The following MUSK variants were observed in gnomAD, a reference collection of about 807,000 sequenced individuals.
MUSK encodes the protein muscle, skeletal receptor tyrosine-protein kinase.
In MUSK, 55 loss-of-function variants were observed where a neutral mutation model predicts 88.7. The observed-to-expected ratio is 0.62, with a 90% CI of 0.50 to 0.78. The LOEUF is 0.78. MUSK is among the 30% of genes least tolerant of loss of function. MUSK has a pLI of 0.00. For synonymous variants in MUSK, 387 were observed against 391.9 expected (o/e 0.99, Z 0.15); for missense variants, 1,015 against 1,074.3 (o/e 0.94, Z 0.77).
At chr9:110,781,772 G>A (rs146331973) in intron 11 of MUSK, among the ~76,000 whole-genome samples, 518 of 152,242 alleles carry the variant, frequency 3.4e-3, no homozygotes, top group Non-Finnish European at 5.5e-3. Flanking sequence ...ATGGCAGAAC[G>A]GGCGAGGGAG....
intron 5 of MUSK, among the ~76,000 whole-genome samples, chr9:110,713,391 C>T (rs149698166): frequency 1.3e-5 from 2 of 151,944 alleles, no homozygotes; most frequent in East Asian, 2.0e-4. Flanking sequence ...TCCTGAGTAG[C>T]TAGGATTACA....
chr9:110,772,098 A>G (rs1344227112), intron 9 of MUSK, among the ~76,000 whole-genome samples: 1 of 149,924 alleles, frequency 6.7e-6, no homozygotes, highest in Non-Finnish European at 1.5e-5. Flanking sequence ...ATTATTATAT[A>G]TAGTTTATAT....
chr9:110,689,075 T>A (rs1477300442), intron 3 of MUSK, among the ~76,000 whole-genome samples: 3 of 139,068 alleles, frequency 2.2e-5, no homozygotes, highest in Non-Finnish European at 3.0e-5. Context: ...TATAGTTATA[T>A]ATAGTTATAT....
At chr9:110,750,217 C>A (rs745458017) in intron 7 of MUSK, among the ~76,000 whole-genome samples, 23 of 152,080 alleles carry the variant, frequency 1.5e-4, no homozygotes, top group Non-Finnish European at 1.3e-4. Flanking sequence ...AGTCTCATTT[C>A]AGGTCATTAT....
intron 7 of MUSK, among the ~76,000 whole-genome samples, chr9:110,749,746 C>T (rs2077224593): frequency 6.6e-6 from 1 of 152,060 alleles, no homozygotes; most frequent in Non-Finnish European, 1.5e-5. Context: ...AGGAGAGATG[C>T]ACAGGACAAA....
chr9:110,697,233 T>C lies in MUSK; in HGVS notation c.487-92T>C, dbSNP rs992320364. ...GTCAAAGCGATATCTTTGATGATGA[T>C]AATAGTGATGACAATAAGTTGATGA... On this transcript the variant is annotated intron_variant, in intron 4 of 14. Transcript: ENST00000374448. 4 of 1,331,426 alleles carry C rather than the reference T, an allele frequency of 3.0e-6. No individual in the cohort carries two copies. The Admixed American group carries it at 7.2e-5, about 24-fold the overall frequency. 82.5% of individuals were successfully genotyped at this position (1,331,426 alleles called of 1,614,324 possible). A position where few individuals can be genotyped will look rare whatever the true frequency, so the allele number is the denominator to read the frequency against.
At chr9:110,706,047 T>C in intron 5 of MUSK, 1 of 507,514 alleles carries the variant, frequency 2.0e-6, no homozygotes. Flanking sequence ...CACATTTTAA[T>C]ATCTCTGAAA....
In MUSK at chr9:110,697,376, G is replaced by A. The variant is rs1468498564; in HGVS notation, c.538G>A (p.Val180Ile). 5.0e-6 allele frequency: 8 copies of A among 1,612,846 alleles called. No individual in the cohort carries two copies. In the Admixed American group the frequency reaches 1.0e-4, roughly 20 times the overall value. Residue 180 changes from valine (V) to isoleucine (I), a missense_variant, in exon 5 of 15, where the codon GTA becomes ATA. Transcript: ENST00000374448. ...LESGSLRIHN[V>I]QKEDAGQYRC... ...ATCTGGGAGCTTGAGGATTCATAAC[G>A]TACAAAAGGAAGATGCAGGACAGTA...
At chr9:110,769,133 T>C (rs546957553) in intron 9 of MUSK, among the ~76,000 whole-genome samples, 1 of 152,314 alleles carries the variant, frequency 6.6e-6, no homozygotes, top group African/African-American at 2.4e-5. Flanking sequence ...AGAAACTAGA[T>C]AGACATTGTT....
chr9:110,699,458 T>C (rs183880414), intron 5 of MUSK, among the ~76,000 whole-genome samples: 1 of 152,318 alleles, frequency 6.6e-6, no homozygotes, highest in African/African-American at 2.4e-5. Flanking sequence ...GAATCTACTA[T>C]ACTTATTATG....
rs57464436 is a variant in MUSK, at chr9:110,764,603, T to TTAGATAGA, written c.920+2423_920+2430dup. Among the ~76,000 whole-genome samples, 1,395 of 149,104 alleles carry TTAGATAGA rather than the reference T, an allele frequency of 9.4e-3. 10 individuals are homozygous for TTAGATAGA. Among genetic ancestry groups the TTAGATAGA allele is most frequent in the African/African-American group, 0.015 (589 of 40,482 alleles). On this transcript the variant is annotated intron_variant, in intron 8 of 14. Coordinates refer to ENST00000374448, the MANE Select transcript of MUSK (RefSeq NM_005592.4). Reference sequence around the variant, plus strand: ...AAATTTAGATAGATAGATAGATAGATTAGATAGATAGATAGATAGATAGAT... The same window carrying TTAGATAGA: ...AAATTTAGATAGATAGATAGATAGATTAGATAGATAGATAGATAGATAGATAGATAGAT...
chr9:110,775,779 C>A lies in MUSK; in HGVS notation c.1185-9C>A. 6.2e-7 allele frequency: 1 copy of A among 1,613,268 alleles called. No homozygotes were observed. The highest frequency in any genetic ancestry group is 1.1e-5 in the South Asian group (1 of 91,062). On this transcript the variant is annotated splice_polypyrimidine_tract_variant and intron_variant, in intron 9 of 14. Coordinates refer to ENST00000374448, the MANE Select transcript of MUSK (RefSeq NM_005592.4). ...TTCATCAAGTTTTGTTCTCCATATACTATTTTAGAGAGTACTGCTTGGCAG... is the reference window on the plus strand; with the variant it reads ...TTCATCAAGTTTTGTTCTCCATATAATATTTTAGAGAGTACTGCTTGGCAG...
intron 14 of MUSK, 133 bp downstream of exon 14, chr9:110,787,971 C>T (rs1166989986): frequency 9.7e-7 from 1 of 1,029,674 alleles, no homozygotes; most frequent in Admixed American, 2.0e-5. Flanking sequence ...AATTTAGCTT[C>T]TTCACCTTGG....
At chr9:110,790,708 A>G (rs2077959438) in intron 14 of MUSK, among the ~76,000 whole-genome samples, 1 of 152,198 alleles carries the variant, frequency 6.6e-6, no homozygotes. Context: ...ATTTGAGGAA[A>G]GAGAAGAAAT....
At chr9:110,675,886 G>T (rs901744389) in intron 1 of MUSK, among the ~76,000 whole-genome samples, 14 of 152,044 alleles carry the variant, frequency 9.2e-5, no homozygotes, top group African/African-American at 3.1e-4. Context: ...AACAGTAAAA[G>T]CATTCAACAT....
At chr9:110,781,775 C>T (rs549008237) in intron 11 of MUSK, among the ~76,000 whole-genome samples, 8 of 152,218 alleles carry the variant, frequency 5.3e-5, no homozygotes, top group South Asian at 2.1e-4. Context: ...GCAGAACGGG[C>T]GAGGGAGCTT....
chr9:110,685,316 G>A (rs558541138), intron 2 of MUSK, among the ~76,000 whole-genome samples: 1 of 152,114 alleles, frequency 6.6e-6, no homozygotes, highest in African/African-American at 2.4e-5. Context: ...GTTTCACTTG[G>A]TGATGATATA....
intron 14 of MUSK, among the ~76,000 whole-genome samples, chr9:110,791,201 G>T (rs866141724): frequency 1.4e-5 from 2 of 146,142 alleles, no homozygotes; most frequent in African/African-American, 5.0e-5. Context: ...CTGAGGTACC[G>T]GGTTCATCTC....
intron 1 of MUSK, among the ~76,000 whole-genome samples, chr9:110,676,222 G>A (rs1457565383): frequency 6.6e-6 from 1 of 151,214 alleles, no homozygotes; most frequent in African/African-American, 2.4e-5. Context: ...TACACATAAT[G>A]CTCATAGCAA....
Sources: gnomAD v4.1 joint callset for allele counts (sites outside exome capture counted in the v4.1 genomes callset) on GRCh38, gnomAD v4.1.1 for gene constraint, MANE v1.5 for transcripts, NCBI Gene and HGNC (gene_info 2026-07-23, HGNC 2026-07-21) for gene names.